The following RBFOX1 variants were observed in gnomAD, a reference collection of about 807,000 sequenced individuals.
The protein encoded by RBFOX1 is RNA binding fox-1 homolog 1.
RBFOX1 carries 8 observed loss-of-function variants against 57.7 expected under a neutral mutation model. The observed-to-expected ratio is 0.14, with a 90% CI of 0.08 to 0.25. RBFOX1 has a LOEUF of 0.25. Ranked by LOEUF, RBFOX1 falls within the 10% of genes least tolerant of loss-of-function variation. The pLI is 1.00. For missense variants in RBFOX1, 611 were observed against 548.5 expected (o/e 1.11, Z -1.14); for synonymous variants, 326 against 222.4 (o/e 1.47, Z -4.15).
intron 3 of RBFOX1, among the ~76,000 whole-genome samples, chr16:6,729,456 T>A (rs1394089108): frequency 6.6e-6 from 1 of 152,302 alleles, no homozygotes; most frequent in African/African-American, 2.4e-5. Flanking sequence ...GAAGATAGTA[T>A]TGTAGGAGCC....
intron 4 of RBFOX1, among the ~76,000 whole-genome samples, chr16:7,267,201 C>G (rs142128919): frequency 0.038 from 5,825 of 152,108 alleles, 168 homozygotes; most frequent in East Asian, 0.13. Flanking sequence ...GTGTTTGAGA[C>G]CAGCCTGGCC....
intron 2 of RBFOX1, among the ~76,000 whole-genome samples, chr16:5,542,833 T>C (rs998862990): frequency 2.0e-5 from 3 of 152,180 alleles, no homozygotes; most frequent in Non-Finnish European, 4.4e-5. Flanking sequence ...TCCCCTAAGG[T>C]TCAATGTCCA....
At chr16:7,415,124 C>A (rs903905205) in intron 4 of RBFOX1, among the ~76,000 whole-genome samples, 4 of 152,204 alleles carry the variant, frequency 2.6e-5, no homozygotes, top group Non-Finnish European at 4.4e-5. Context: ...TCTTAAGGAA[C>A]TAATTATTTT....
At chr16:6,091,465 G>A (rs1042106692) in intron 1 of RBFOX1, among the ~76,000 whole-genome samples, 60 of 152,006 alleles carry the variant, frequency 3.9e-4, no homozygotes, top group Non-Finnish European at 1.0e-4. Context: ...TAGGGTGAGC[G>A]GTCTATATCT....
At chr16:6,932,396 C>T (rs574751921) in intron 3 of RBFOX1, among the ~76,000 whole-genome samples, 3 of 152,260 alleles carry the variant, frequency 2.0e-5, no homozygotes, top group East Asian at 1.9e-4. Flanking sequence ...CATGAGCCAC[C>T]ATGCCCAGCC....
chr16:7,098,011 C>G (rs1253174314), intron 4 of RBFOX1, among the ~76,000 whole-genome samples: 6 of 152,084 alleles, frequency 3.9e-5, no homozygotes, highest in African/African-American at 1.4e-4. Context: ...GGGCATTTGA[C>G]TTAAATGAGC....
At chr16:5,320,152 G>A (rs2064363221) in intron 1 of RBFOX1, among the ~76,000 whole-genome samples, 1 of 152,204 alleles carries the variant, frequency 6.6e-6, no homozygotes, top group Non-Finnish European at 1.5e-5. Flanking sequence ...ATGTGTTTAT[G>A]TGCATAGGTG....
At chr16:6,181,690 T>C (rs1425202436) in intron 1 of RBFOX1, among the ~76,000 whole-genome samples, 1 of 152,178 alleles carries the variant, frequency 6.6e-6, no homozygotes, top group African/African-American at 2.4e-5. Flanking sequence ...TTGGGGATTT[T>C]CCTCAAACTT....
At chr16:6,135,752 C>A (rs1357554985) in intron 1 of RBFOX1, among the ~76,000 whole-genome samples, 27 of 147,128 alleles carry the variant, frequency 1.8e-4, no homozygotes, top group Admixed American at 1.7e-3. Flanking sequence ...CTGAAGGTGG[C>A]AGGGGAATTC....
At chr16:6,126,524 CAT>C (rs773942481) in intron 1 of RBFOX1, among the ~76,000 whole-genome samples, 2 of 152,160 alleles carry the variant, frequency 1.3e-5, no homozygotes, top group Non-Finnish European at 2.9e-5. Flanking sequence ...AGATCACAGA[CAT>C]AGTACATGGT....
At chr16:7,083,932 G>C (rs1159523814) in intron 4 of RBFOX1, among the ~76,000 whole-genome samples, 1 of 152,072 alleles carries the variant, frequency 6.6e-6, no homozygotes, top group Non-Finnish European at 1.5e-5. Context: ...CCACCTAGAG[G>C]TACCATGCAG....
intron 4 of RBFOX1, among the ~76,000 whole-genome samples, chr16:7,208,590 A>G (rs1672512058): frequency 6.6e-6 from 1 of 152,082 alleles, no homozygotes; most frequent in South Asian, 2.1e-4. Context: ...AACCCCAGCA[A>G]TTTGGGAGGC....
intron 2 of RBFOX1, among the ~76,000 whole-genome samples, chr16:5,586,111 C>G (rs1000396835): frequency 6.6e-6 from 1 of 152,174 alleles, no homozygotes; most frequent in South Asian, 2.1e-4. Flanking sequence ...GGGACTGATG[C>G]TTCTACAAGC....
At chr16:7,030,110 G>C (rs1399463017) in intron 3 of RBFOX1, among the ~76,000 whole-genome samples, 1 of 152,168 alleles carries the variant, frequency 6.6e-6, no homozygotes. Context: ...ATTATAATGA[G>C]TAGATTGGCC....
chr16:6,229,656 A>G (rs567414330), intron 1 of RBFOX1, among the ~76,000 whole-genome samples: 1 of 152,196 alleles, frequency 6.6e-6, no homozygotes, highest in African/African-American at 2.4e-5. Context: ...AATTTAATGC[A>G]AAATAAAAAG....
chr16:5,309,543 A>G (rs900837612), intron 1 of RBFOX1, among the ~76,000 whole-genome samples: 1 of 152,274 alleles, frequency 6.6e-6, no homozygotes, highest in Non-Finnish European at 1.5e-5. Context: ...AGGGGGTACA[A>G]GTGCCATTTT....
At chr16:6,546,668 G>C (rs1332749028) in intron 2 of RBFOX1, among the ~76,000 whole-genome samples, 2 of 152,074 alleles carry the variant, frequency 1.3e-5, no homozygotes, top group East Asian at 3.9e-4. Context: ...ATCTTAATTT[G>C]ATTCCTTTCT....
intron 4 of RBFOX1, among the ~76,000 whole-genome samples, chr16:7,105,479 C>G (rs1039817511): frequency 5.3e-5 from 8 of 152,076 alleles, no homozygotes; most frequent in African/African-American, 1.9e-4. Flanking sequence ...CCTTACTGCA[C>G]TTCCACCCTT....
intron 3 of RBFOX1, among the ~76,000 whole-genome samples, chr16:6,839,634 G>A (rs972297795): frequency 1.3e-5 from 2 of 152,178 alleles, no homozygotes; most frequent in African/African-American, 4.8e-5. Context: ...TCAATTAGCT[G>A]TGAGACACAC....
Sources: gnomAD v4.1 joint callset for allele counts (sites outside exome capture counted in the v4.1 genomes callset) on GRCh38, gnomAD v4.1.1 for gene constraint, MANE v1.5 for transcripts, NCBI Gene and HGNC (gene_info 2026-07-23, HGNC 2026-07-21) for gene names.